Variants in LMF1 observed in about 807,000 individuals in gnomAD.
The protein encoded by LMF1 is lipase maturation factor 1.
Under a neutral mutation model 60.6 loss-of-function variants are expected in LMF1, and 68 were observed. The observed-to-expected ratio is 1.12, with a 90% CI of 0.92 to 1.37. The LOEUF is 1.37. LMF1 is among the 40% of genes most tolerant of loss of function. The pLI, the probability that LMF1 is intolerant of heterozygous loss-of-function variation, is 0.00. For missense variants in LMF1, 948 were observed against 767.2 expected, an observed-to-expected ratio of 1.24 and a Z score of -2.78; for synonymous variants, 418 against 324.7, an observed-to-expected ratio of 1.29 and a Z score of -3.09.
chr16:922,037 G>C (rs886477027), intron 3 of LMF1, among the ~76,000 whole-genome samples: 1 of 152,160 alleles, frequency 6.6e-6, no homozygotes, highest in African/African-American at 2.4e-5. Context: ...CAGCTGAGGA[G>C]TAAGGGGAGA....
intron 3 of LMF1, among the ~76,000 whole-genome samples, chr16:913,516 C>A (rs2071181323): frequency 6.6e-6 from 1 of 152,226 alleles, no homozygotes; most frequent in South Asian, 2.1e-4. Context: ...CGGCTGGATG[C>A]CCCGATGCTG....
At chr16:948,128 C>T (rs1322347474) in intron 2 of LMF1, among the ~76,000 whole-genome samples, 8 of 146,338 alleles carry the variant, frequency 5.5e-5, no homozygotes, top group African/African-American at 1.0e-4. Flanking sequence ...AGTCAGCCAA[C>T]GACAAAGTCA....
intron 10 of LMF1, 70 bp downstream of exon 10, chr16:868,874 G>A (rs2069688683): frequency 1.0e-6 from 1 of 987,464 alleles, no homozygotes; most frequent in East Asian, 2.4e-5. Context: ...TGCAGGTACA[G>A]GTGGTGGGAT....
intron 1 of LMF1, among the ~76,000 whole-genome samples, chr16:966,859 G>C (rs1349497529): frequency 6.6e-6 from 1 of 152,250 alleles, no homozygotes; most frequent in African/African-American, 2.4e-5. Context: ...TCTCTGCAGT[G>C]AACTGCTATC....
In LMF1 at chr16:893,011, T is replaced by A. The variant is rs754165819; in HGVS notation, c.725A>T (p.Tyr242Phe). 14 of 1,549,606 alleles carry A rather than the reference T, an allele frequency of 9.0e-6. No homozygotes were observed. In the East Asian group the frequency reaches 3.4e-4, roughly 38 times the overall value. ...CACGCTGCACGGCACGCTCACCTCA[T>A]AGTGGAAGTCCATGCAGGTGAGGTC... is the stretch of plus-strand genomic sequence containing the variant. ...WRDLTCMDFH[Y>F]ETQPMPNPVA... Residue 242 changes from tyrosine (Y) to phenylalanine (F), a missense_variant, in exon 5 of 11, where the codon TAT (tyrosine) becomes TTT (phenylalanine). Coordinates refer to ENST00000262301, the MANE Select transcript of LMF1 (RefSeq NM_022773.4).
intron 5 of LMF1, among the ~76,000 whole-genome samples, chr16:888,338 A>G (rs1289657566): frequency 6.6e-6 from 1 of 152,210 alleles, no homozygotes; most frequent in East Asian, 1.9e-4. Context: ...GCAGCTTTCT[A>G]GCAACAGAGT....
intron 5 of LMF1, among the ~76,000 whole-genome samples, chr16:888,014 C>A (rs7191713): frequency 6.6e-6 from 1 of 152,154 alleles, no homozygotes; most frequent in South Asian, 2.1e-4. Context: ...TGGGCCCCAG[C>A]GGTGAGTCGA....
At chr16:855,883 C>A in intron 10 of LMF1, 2 of 456,032 alleles carry the variant, frequency 4.4e-6, no homozygotes, top group Non-Finnish European at 8.8e-6. Context: ...TTGGGCCATG[C>A]CCCTTAGGCT....
chr16:932,101 C>T (rs1203728890), intron 3 of LMF1, among the ~76,000 whole-genome samples: 3 of 152,232 alleles, frequency 2.0e-5, no homozygotes. Context: ...AGGCTGGCTC[C>T]AGAGTCACCC....
At position 970,843 on chromosome 16, in the gene LMF1, C is replaced by G. The variant is rs966961669; in HGVS notation, c.138G>C (p.Thr46=). ...CGATCCGGGTCAGCCAGAAGGTGCC[C>G]GTGTGGAGATGGGCCGGAGAGCCTG... ...GPAGSPAHLH[T]GTFWLTRIVL... is the part of the protein sequence containing the mutation. Residue 46 remains threonine, a synonymous_variant, in exon 1 of 11, where the codon ACG becomes ACC. Transcript: ENST00000262301. 1.4e-5 allele frequency: 22 copies of G among 1,553,808 alleles called. No individual in the cohort carries two copies. The highest frequency in any genetic ancestry group is 3.9e-5 in the Admixed American group (2 of 51,948).
intron 2 of LMF1, 102 bp from the exon 3 acceptor site, chr16:934,356 G>T (rs1028489116): frequency 1.2e-5 from 18 of 1,477,962 alleles, no homozygotes; most frequent in Admixed American, 1.7e-5. Context: ...ACCCAGCACG[G>T]TGTGGGGTCA....
intron 4 of LMF1, chr16:905,214 G>A (rs1363491434): frequency 5.9e-6 from 1 of 169,618 alleles, no homozygotes; most frequent in East Asian, 1.9e-4. Context: ...GCTGCGTGGT[G>A]GTGACCTCTG....
rs185834003 is a variant in LMF1 at position 931,925 on chromosome 16, T to C, written c.514+2319A>G. On this transcript the variant is annotated intron_variant, in intron 3 of 10. Transcript: ENST00000262301. Reference sequence around the variant, plus strand: ...CCTGCTACCGAAGAATCAGTTAGAATGTATGACGCTCACCTGAAAACACCC... The same window carrying C: ...CCTGCTACCGAAGAATCAGTTAGAACGTATGACGCTCACCTGAAAACACCC... The C allele has an allele frequency of 1.5e-4, 106 of 721,102 alleles. No homozygotes were observed. The African/African-American group carries it at 1.8e-3, about 12-fold the overall frequency. 44.7% of individuals were successfully genotyped at this position (721,102 alleles called of 1,614,324 possible).
chr16:877,766 G>A (rs537829782), intron 6 of LMF1, among the ~76,000 whole-genome samples: 1 of 152,128 alleles, frequency 6.6e-6, no homozygotes, highest in East Asian at 1.9e-4. Flanking sequence ...GATGGACGTA[G>A]AACCGGCAGA....
At chr16:929,876 C>T (rs988844690) in intron 3 of LMF1, among the ~76,000 whole-genome samples, 1 of 152,130 alleles carries the variant, frequency 6.6e-6, no homozygotes, top group Non-Finnish European at 1.5e-5. Context: ...CCCTGGGACA[C>T]AGAGCCCAGG....
At chr16:946,449 C>T (rs1455046193) in intron 2 of LMF1, among the ~76,000 whole-genome samples, 2 of 152,240 alleles carry the variant, frequency 1.3e-5, no homozygotes, top group African/African-American at 4.8e-5. Context: ...CTGCAGAAGG[C>T]ACCCACGGCC....
In LMF1 at chr16:897,702, C is replaced by T. The variant is rs2151737377; in HGVS notation, c.664-4630G>A. On this transcript the variant is annotated intron_variant, in intron 4 of 10. Transcript: ENST00000262301. The surrounding 1 kb of genome is among the most constrained non-coding windows in gnomAD (Gnocchi z 4.3). ...GAAACCGTGTCTCAGGGTGAAGGGA[C>T]CGCTGGTGGGCTCCGTGGGCAGAGG... is the stretch of plus-strand genomic sequence containing the variant. 6.6e-6 allele frequency among the ~76,000 whole-genome samples: 1 copy of T among 152,254 alleles called. No homozygotes were observed. The highest frequency in any genetic ancestry group is 6.5e-5 in the Admixed American group (1 of 15,292).
chr16:865,747 C>T (rs569848188), intron 10 of LMF1, among the ~76,000 whole-genome samples: 2 of 152,326 alleles, frequency 1.3e-5, no homozygotes, highest in East Asian at 3.9e-4. Context: ...AAAGCTCACT[C>T]TGTCTTCCTC....
chr16:911,500 C>T (rs1239859587), intron 3 of LMF1, among the ~76,000 whole-genome samples: 2 of 149,218 alleles, frequency 1.3e-5, no homozygotes, highest in Non-Finnish European at 3.0e-5. Context: ...AGCCCAGAAA[C>T]AGCATGGGGA....
Sources: allele counts gnomAD v4.1 joint callset (sites outside exome capture counted in the v4.1 genomes callset), GRCh38; gene constraint gnomAD v4.1.1; non-coding constraint Gnocchi (gnomAD v3.1); transcripts MANE v1.5; gene names NCBI Gene and HGNC (gene_info 2026-07-23, HGNC 2026-07-21).